DET1: variants seen among roughly 807,000 people sequenced by gnomAD.
The protein encoded by DET1 is DET1 homolog.
DET1 carries 22 observed loss-of-function variants against 43.7 expected under a neutral mutation model. The ratio of observed to expected loss-of-function variants is 0.50; its 90% CI spans 0.36 to 0.72. The LOEUF is 0.72. DET1 is among the 30% of genes least tolerant of loss of function. The probability of loss-of-function intolerance (pLI) is 0.00; values close to 1 mark genes in which losing one functional copy is unlikely to be tolerated. For missense variants in DET1, 713 were observed against 713.3 expected (o/e 1.00, Z 0.00); for synonymous variants, 315 against 266.2 (o/e 1.18, Z -1.79).
rs758451300 is a variant in DET1, at chr15:88,513,079, G to C, written c.1525C>G (p.Pro509Ala). 1.2e-6 allele frequency: 2 copies of C among 1,614,036 alleles called. No homozygotes were observed. Among genetic ancestry groups the C allele is most frequent in the South Asian group, 2.2e-5 (2 of 91,078 alleles). Residue 509 changes from proline to alanine, a missense_variant, in exon 5 of 5, where the codon CCC becomes GCC. Coordinates refer to ENST00000268148, the MANE Select transcript of DET1 (RefSeq NM_001144074.3). ...FEIQAGLLGR[P>A]INHTVRRLVA... Reference sequence around the variant, plus strand: ...AGGCGTCGCACTGTGTGGTTGATGGGGCGGCCCAATAACCCCGCCTGGATC... The same window carrying C: ...AGGCGTCGCACTGTGTGGTTGATGGCGCGGCCCAATAACCCCGCCTGGATC...
At chr15:88,530,483 A>C in intron 2 of DET1, 140 bp downstream of exon 2, 1 of 1,399,074 alleles carries the variant, frequency 7.1e-7, no homozygotes, top group Non-Finnish European at 9.4e-7. Flanking sequence ...AATGGAGCTG[A>C]TTTTAAGTTT....
rs1390010056 is a variant in DET1 at position 88,513,845 on chromosome 15, G to A, written c.1464-705C>T. On this transcript the variant is annotated intron_variant, in intron 4 of 4. Transcript: ENST00000268148. Reference sequence around the variant, plus strand: ...GACGGAGTCTCGCTCTGTCGCCCAGGCTGGAGTGCAGTGGCGCGATCTCGG... The same window carrying A: ...GACGGAGTCTCGCTCTGTCGCCCAGACTGGAGTGCAGTGGCGCGATCTCGG... 3.0e-5 allele frequency among the ~76,000 whole-genome samples: 4 copies of A among 134,450 alleles called. No homozygotes were observed. The Admixed American group carries it at 3.1e-4, about 10-fold the overall frequency. 88.2% of individuals were successfully genotyped at this position (134,450 alleles called of 152,430 possible). A position where few individuals can be genotyped will look rare whatever the true frequency, so the allele number is the denominator to read the frequency against.
At chr15:88,512,242 T>G, downstream of DET1, 1 of 537,898 alleles carries the variant, frequency 1.9e-6, no homozygotes, top group Non-Finnish European at 2.4e-6. Context: ...TGCTTCCACA[T>G]GAGGATGTGC....
intron 1 of DET1, among the ~76,000 whole-genome samples, chr15:88,543,283 C>G (rs1051666698): frequency 1.3e-5 from 2 of 152,194 alleles, no homozygotes; most frequent in African/African-American, 4.8e-5. Flanking sequence ...CTAGAGCAAG[C>G]CTAGTCCAAG....
intron 1 of DET1, among the ~76,000 whole-genome samples, chr15:88,535,679 C>T (rs1598343753): frequency 6.6e-6 from 1 of 151,922 alleles, no homozygotes; most frequent in Non-Finnish European, 1.5e-5. Flanking sequence ...TCACTTGAGC[C>T]TGGGAAGCAG....
Position 88,530,949 on chromosome 15 carries a change from C to T in DET1, c.757G>A (p.Val253Met). 6.2e-7 allele frequency: 1 copy of T among 1,613,978 alleles called. No homozygotes were observed. The highest frequency in any genetic ancestry group is 8.5e-7 in the Non-Finnish European group (1 of 1,179,894). Residue 253 changes from valine (V) to methionine (M), a missense_variant, in exon 2 of 5, where the codon GTG (valine) becomes ATG (methionine). Val to Met is a conservative substitution (Grantham distance 21). Coordinates refer to ENST00000268148, the MANE Select transcript of DET1 (RefSeq NM_001144074.3). The part of the protein sequence containing the change: ...QVTPEGTFID[V>M]RTIGRFCYED... ...TAGCAAAAGCGGCCAATGGTCCGCACATCAATGAAAGTGCCTTCAGGAGTC... is the reference window on the plus strand; with the variant it reads ...TAGCAAAAGCGGCCAATGGTCCGCATATCAATGAAAGTGCCTTCAGGAGTC...
At chr15:88,517,029 G>C in intron 3 of DET1, 56 bp from the exon 4 acceptor site, 1 of 1,325,048 alleles carries the variant, frequency 7.5e-7, no homozygotes. Flanking sequence ...AAGCTGTCTT[G>C]AATTTTAAAT....
chr15:88,532,138 C>T (rs935220294), intron 1 of DET1, among the ~76,000 whole-genome samples: 1 of 151,994 alleles, frequency 6.6e-6, no homozygotes, highest in Non-Finnish European at 1.5e-5. Flanking sequence ...CCTGTCTCTA[C>T]AAAAAAATAT....
chr15:88,545,213 G>A (rs2142355310), intron 1 of DET1, among the ~76,000 whole-genome samples: 1 of 152,202 alleles, frequency 6.6e-6, no homozygotes, highest in South Asian at 2.1e-4. Context: ...ATTACGGCAT[G>A]TCATGGAAAT....
chr15:88,510,677 C>T (rs2056188101), downstream of DET1, among the ~76,000 whole-genome samples: 1 of 152,008 alleles, frequency 6.6e-6, no homozygotes, highest in Non-Finnish European at 1.5e-5. Context: ...CAGATATCTT[C>T]AACTTACAAT....
chr15:88,527,500 G>A (rs780238675), intron 3 of DET1, 99 bp downstream of exon 3: 187 of 1,135,134 alleles, frequency 1.6e-4, no homozygotes, highest in Non-Finnish European at 2.1e-4. Context: ...CCAAAGCTAT[G>A]TGGACAGACA....
At chr15:88,520,791 T>C (rs2056468876) in intron 3 of DET1, among the ~76,000 whole-genome samples, 1 of 152,258 alleles carries the variant, frequency 6.6e-6, no homozygotes, top group African/African-American at 2.4e-5. Flanking sequence ...GGACTTGGTA[T>C]GTGCCAGACA....
In DET1 at chr15:88,531,859, A is replaced by G. The variant is rs564571220; in HGVS notation, c.-10-144T>C. 634 of 755,004 alleles carry G rather than the reference A, an allele frequency of 8.4e-4. No homozygotes were observed. Among genetic ancestry groups the G allele is most frequent in the South Asian group, 1.4e-3 (70 of 51,316 alleles). 46.8% of individuals were successfully genotyped at this position (755,004 alleles called of 1,614,324 possible). On this transcript the variant is annotated intron_variant, in intron 1 of 4. Transcript: ENST00000268148. The surrounding 1 kb of genome is among the most constrained non-coding windows in gnomAD (Gnocchi z 6.2). ...ACAGTGACTGGCATTACTACTTCCC[A>G]GATTATACTGAGTAAGTGGTCCTAA...
chr15:88,515,460 T>C (rs1435589948), intron 4 of DET1, among the ~76,000 whole-genome samples: 3 of 141,586 alleles, frequency 2.1e-5, no homozygotes, highest in Non-Finnish European at 3.0e-5. Context: ...AATTGCTTGA[T>C]CCTGGGAGGC....
intron 1 of DET1, chr15:88,536,279 GTCTTTATCTCTTCCTGAAATTAAGTTGTT>G (rs1235625211): frequency 1.3e-6 from 1 of 766,374 alleles, no homozygotes; most frequent in Non-Finnish European, 2.4e-6. Context: ...ATTATTAATG[GTCTTTATCTCTTCCTGAAATTAAGTTGTT>G]TACCTTTTTA....
intron 8 of DET1, chr15:88,502,903 C>G (rs1321692197): frequency 5.3e-5 from 8 of 152,224 alleles, no homozygotes; most frequent in Non-Finnish European, 1.2e-4. Context: ...TTCCTAGTCC[C>G]TGGCCCTTAG....
chr15:88,535,010 GATTTTGAAGTACCT>G (rs569869467), intron 1 of DET1, among the ~76,000 whole-genome samples: 65 of 152,334 alleles, frequency 4.3e-4, no homozygotes, highest in South Asian at 4.1e-3. Context: ...CTCTGAGACA[GATTTTGAAGTACCT>G]ATTATAAAAA....
At position 88,516,535 on chromosome 15, in the gene DET1, C is replaced by T. The variant is rs763789309; in HGVS notation, c.1463+247G>A. On this transcript the variant is annotated intron_variant, in intron 4 of 4. Coordinates refer to ENST00000268148, the MANE Select transcript of DET1 (RefSeq NM_001144074.3). The surrounding 1 kb of genome is among the most constrained non-coding windows in gnomAD (Gnocchi z 4.4). ...AAAGTACAGCTTCCTCCCCTGGATACCTTTAAAAGAGGACAACACTTATCT... is the reference window on the plus strand; with the variant it reads ...AAAGTACAGCTTCCTCCCCTGGATATCTTTAAAAGAGGACAACACTTATCT... Among the ~76,000 whole-genome samples the T allele has an allele frequency of 2.0e-5, 3 of 152,164 alleles. No homozygotes were observed. Among genetic ancestry groups the T allele is most frequent in the Non-Finnish European group, 4.4e-5 (3 of 68,034 alleles).
chr15:88,540,310 A>T (rs1475207377), intron 1 of DET1, among the ~76,000 whole-genome samples: 1 of 152,126 alleles, frequency 6.6e-6, no homozygotes, highest in African/African-American at 2.4e-5. Flanking sequence ...TTAAAGCTAC[A>T]GCAATGTGGC....
Sources: gnomAD v4.1 joint callset for allele counts (sites outside exome capture counted in the v4.1 genomes callset) on GRCh38, gnomAD v4.1.1 for gene constraint, Gnocchi (gnomAD v3.1) non-coding constraint, MANE v1.5 for transcripts, NCBI Gene and HGNC (gene_info 2026-07-23, HGNC 2026-07-21) for gene names.